Variants in GPC6 observed in about 807,000 individuals in gnomAD.
The protein encoded by GPC6 is glypican-6.
Under a neutral mutation model 55.2 loss-of-function variants are expected in GPC6, and 14 were observed. The ratio of observed to expected loss-of-function variants is 0.25; its 90% CI spans 0.17 to 0.40. The LOEUF is 0.40. Ranked by LOEUF, GPC6 falls within the 10% of genes least tolerant of loss-of-function variation. The probability of loss-of-function intolerance (pLI) is 1.00; values close to 1 mark genes in which losing one functional copy is unlikely to be tolerated. For missense variants in GPC6, 641 were observed against 708.5 expected, an observed-to-expected ratio of 0.90 and a Z score of 1.08; for synonymous variants, 278 against 259.6, an observed-to-expected ratio of 1.07 and a Z score of -0.68.
chr13:94,126,745 A>G (rs1363983427), intron 4 of GPC6, among the ~76,000 whole-genome samples: 27 of 152,108 alleles, frequency 1.8e-4, no homozygotes, highest in Admixed American at 1.8e-3. Context: ...TTGGACCTGT[A>G]CACTTTTTCT....
At chr13:93,603,770 A>C (rs908712678) in intron 2 of GPC6, among the ~76,000 whole-genome samples, 1 of 152,244 alleles carries the variant, frequency 6.6e-6, no homozygotes, top group African/African-American at 2.4e-5. Context: ...TAGTCATTCT[A>C]CAAGGGGGAC....
At chr13:93,826,331 A>G (rs1031985006) in intron 2 of GPC6, among the ~76,000 whole-genome samples, 1 of 152,088 alleles carries the variant, frequency 6.6e-6, no homozygotes, top group Non-Finnish European at 1.5e-5. Flanking sequence ...TTGCATACAC[A>G]TGTGTGTATT....
At chr13:93,473,369 G>A (rs145878433) in intron 1 of GPC6, among the ~76,000 whole-genome samples, 76 of 152,268 alleles carry the variant, frequency 5.0e-4, no homozygotes, top group South Asian at 1.0e-3. Flanking sequence ...CTGCTGGAGC[G>A]TGCACACACC....
chr13:94,196,102 T>G (rs1889564425), intron 4 of GPC6, among the ~76,000 whole-genome samples: 1 of 152,096 alleles, frequency 6.6e-6, no homozygotes, highest in South Asian at 2.1e-4. Flanking sequence ...TTGAGACACT[T>G]GTCACTAGTG....
intron 3 of GPC6, among the ~76,000 whole-genome samples, chr13:93,880,513 A>G (rs971554934): frequency 6.6e-6 from 1 of 152,034 alleles, no homozygotes; most frequent in African/African-American, 2.4e-5. Context: ...GGAATTGAAC[A>G]TGAGATCACA....
intron 2 of GPC6, among the ~76,000 whole-genome samples, chr13:93,665,841 T>G (rs1292224308): frequency 6.6e-6 from 1 of 152,170 alleles, no homozygotes; most frequent in Admixed American, 6.5e-5. Context: ...CTGTCTTGAC[T>G]GAGCCACTTT....
intron 1 of GPC6, among the ~76,000 whole-genome samples, chr13:93,278,609 A>G (rs1398122438): frequency 6.6e-6 from 1 of 152,294 alleles, no homozygotes; most frequent in East Asian, 1.9e-4. Context: ...ATTCTTATTC[A>G]CGTACAATAA....
At chr13:93,759,019 C>T (rs180870163) in intron 2 of GPC6, among the ~76,000 whole-genome samples, 3 of 152,090 alleles carry the variant, frequency 2.0e-5, no homozygotes, top group African/African-American at 7.2e-5. Flanking sequence ...TTTGTTTCTC[C>T]TGTCTAGAGT....
chr13:93,714,414 A>G (rs1176540461), intron 2 of GPC6, among the ~76,000 whole-genome samples: 4 of 151,970 alleles, frequency 2.6e-5, no homozygotes, highest in Non-Finnish European at 5.9e-5. Context: ...AATGGCTATT[A>G]TTAAACAGTC....
In GPC6 at chr13:94,403,376, A is replaced by G; in HGVS notation, c.*159A>G. On this transcript the variant is annotated 3_prime_UTR_variant, in exon 9 of 9. Transcript: ENST00000377047. Reference sequence around the variant, plus strand: ...ATCTGCCTCCCTTTTTGTTTTCCCAAAGAGTACCGGGTGCCAGACTGAACT... The same window carrying G: ...ATCTGCCTCCCTTTTTGTTTTCCCAGAGAGTACCGGGTGCCAGACTGAACT... 1 of 693,602 alleles carries G rather than the reference A, an allele frequency of 1.4e-6. No individual in the cohort carries two copies. The highest frequency in any genetic ancestry group is 2.0e-5 in the Admixed American group (1 of 49,504). 43.0% of individuals were successfully genotyped at this position (693,602 alleles called of 1,614,324 possible).
intron 4 of GPC6, among the ~76,000 whole-genome samples, chr13:94,072,670 T>C (rs867783350): frequency 3.3e-5 from 5 of 152,204 alleles, no homozygotes; most frequent in African/African-American, 1.2e-4. Flanking sequence ...TATATAGACT[T>C]ATTCTCTACC....
At chr13:93,497,215 A>T (rs1216336814) in intron 1 of GPC6, among the ~76,000 whole-genome samples, 1 of 152,220 alleles carries the variant, frequency 6.6e-6, no homozygotes, top group Non-Finnish European at 1.5e-5. Context: ...ATCAGATAGT[A>T]GCCTAGGGCA....
intron 2 of GPC6, among the ~76,000 whole-genome samples, chr13:93,708,302 A>T (rs1039061196): frequency 6.6e-6 from 1 of 151,776 alleles, no homozygotes; most frequent in Non-Finnish European, 1.5e-5. Context: ...TTTTCAATGT[A>T]CTGGCATATC....
intron 1 of GPC6, among the ~76,000 whole-genome samples, chr13:93,447,065 A>C (rs941950446): frequency 6.6e-6 from 1 of 152,152 alleles, no homozygotes; most frequent in African/African-American, 2.4e-5. Context: ...TAGGAGACTG[A>C]ATCTAAAATC....
At chr13:93,874,347 G>A (rs1889223762) in intron 3 of GPC6, among the ~76,000 whole-genome samples, 2 of 151,744 alleles carry the variant, frequency 1.3e-5, no homozygotes, top group African/African-American at 4.8e-5. Context: ...ACGGCCTCCA[G>A]CTCCATCCAT....
chr13:93,639,818 A>G lies in GPC6; in HGVS notation c.319+94397A>G, dbSNP rs574087553. ...GTAAACAAAACTCACAGATTCTGCA[A>G]TCTGGAATGGGAAAAATTTCATCTT... On this transcript the variant is annotated intron_variant, in intron 2 of 8. Transcript: ENST00000377047. Among the ~76,000 whole-genome samples the G allele has an allele frequency of 3.9e-5, 6 of 152,280 alleles. No individual in the cohort carries two copies. In the East Asian group the frequency reaches 5.8e-4, roughly 15 times the overall value.
At chr13:93,486,955 A>C (rs9524089) in intron 1 of GPC6, among the ~76,000 whole-genome samples, 52,128 of 150,794 alleles carry the variant, frequency 0.35, 9,647 homozygotes, top group East Asian at 0.61. Context: ...AAAAAAAAAA[A>C]AACAAAAAAA....
At chr13:93,357,963 G>A (rs749639754) in intron 1 of GPC6, among the ~76,000 whole-genome samples, 3 of 152,184 alleles carry the variant, frequency 2.0e-5, no homozygotes, top group Non-Finnish European at 4.4e-5. Context: ...GACTGCTTAC[G>A]AGTGGTCTGT....
intron 1 of GPC6, among the ~76,000 whole-genome samples, chr13:93,264,376 A>G (rs561648583): frequency 1.3e-5 from 2 of 152,254 alleles, no homozygotes; most frequent in East Asian, 1.9e-4. Context: ...TTTGCATATA[A>G]CCTATGTACA....
Sources: gnomAD v4.1 joint callset for allele counts (sites outside exome capture counted in the v4.1 genomes callset) on GRCh38, gnomAD v4.1.1 for gene constraint, MANE v1.5 for transcripts, NCBI Gene and HGNC (gene_info 2026-07-23, HGNC 2026-07-21) for gene names.